The following FAM184B variants were observed in gnomAD, a reference collection of about 807,000 sequenced individuals.
FAM184B encodes the protein protein FAM184B.
Under a neutral mutation model 135.9 loss-of-function variants are expected in FAM184B, and 111 were observed. The ratio of observed to expected loss-of-function variants is 0.82; its 90% CI spans 0.70 to 0.96. The LOEUF (loss-of-function observed/expected upper bound fraction) is 0.96, where lower values mean the gene tolerates loss of function less well. Among genes scored for constraint, FAM184B ranks in the 40% least tolerant of loss-of-function variants. The pLI, the probability that FAM184B is intolerant of heterozygous loss-of-function variation, is 0.00. For synonymous variants in FAM184B, 552 were observed against 524.8 expected (o/e 1.05, Z -0.71); for missense variants, 1,375 against 1,323.9 (o/e 1.04, Z -0.60).
At chr4:17,643,396 G>A (rs1715379582) in intron 12 of FAM184B, among the ~76,000 whole-genome samples, 3 of 152,064 alleles carry the variant, frequency 2.0e-5, no homozygotes, top group Admixed American at 2.0e-4. Flanking sequence ...CTTCTAGAGG[G>A]TTCAGGGCTT....
At chr4:17,676,786 G>C (rs1716318820) in intron 7 of FAM184B, among the ~76,000 whole-genome samples, 1 of 137,974 alleles carries the variant, frequency 7.2e-6, no homozygotes, top group African/African-American at 2.7e-5. Flanking sequence ...ATTTACCCTT[G>C]TGTTACAACT....
In FAM184B at chr4:17,662,523, C is replaced by T. The variant is rs371722852; in HGVS notation, c.1694+2039G>A. Among the ~76,000 whole-genome samples, 173 of 151,856 alleles carry T rather than the reference C, an allele frequency of 1.1e-3. 2 individuals carry two copies. The South Asian group carries it at 0.024, about 21-fold the overall frequency. On this transcript the variant is annotated intron_variant, in intron 8 of 17. Transcript: ENST00000265018. ...CAGCTAATTTTTGTATTTTTAGTAG[C>T]GATGAAGTTTCACCATGTTGGCCAG...
At position 17,642,111 on chromosome 4, in the gene FAM184B, G is replaced by T; in HGVS notation, c.2464C>A (p.Arg822Ser). 1.3e-6 allele frequency: 2 copies of T among 1,532,588 alleles called. No individual in the cohort carries two copies. The highest frequency in any genetic ancestry group is 1.7e-6 in the Non-Finnish European group (2 of 1,145,258). 94.9% of individuals were successfully genotyped at this position (1,532,588 alleles called of 1,614,324 possible). A position where few individuals can be genotyped will look rare whatever the true frequency, so the allele number is the denominator to read the frequency against. Residue 822 changes from arginine (R) to serine (S), a missense_variant, in exon 13 of 18, where the codon CGC (arginine) becomes AGC (serine). By Grantham distance (110) the Arg-to-Ser change is moderately radical. Transcript: ENST00000265018. ...TGCTGATGCTGCTCCACCTCCGCGC[G>T]CAGCCGCCGCACCGCGTCCTGGAGC... is the stretch of plus-strand genomic sequence containing the variant. ...AQLQDAVRRL[R>S]AEVEQHQQEA...
rs1715850748 is a variant in FAM184B at position 17,659,091 on chromosome 4, C to T, written c.1825-529G>A. ...ACCTCCATTGCTAAAATATACATAT[C>T]ATTATATATAAAATATCTTTTTTTT... On this transcript the variant is annotated intron_variant, in intron 9 of 17. Transcript: ENST00000265018. 2.0e-5 allele frequency among the ~76,000 whole-genome samples: 3 copies of T among 151,678 alleles called. No individual in the cohort carries two copies. In the South Asian group the frequency reaches 6.2e-4, roughly 31 times the overall value.
intron 5 of FAM184B, among the ~76,000 whole-genome samples, chr4:17,699,877 C>T (rs999290935): frequency 1.6e-4 from 25 of 151,892 alleles, no homozygotes; most frequent in African/African-American, 5.3e-4. Context: ...ATTTACAGCA[C>T]GTGTAAAATA....
rs1007824639 is a variant in FAM184B, at chr4:17,697,365, G to C, written c.1378-3953C>G. Among the ~76,000 whole-genome samples, 16 of 152,032 alleles carry C rather than the reference G, an allele frequency of 1.1e-4. 1 individual carries two copies. Among genetic ancestry groups the C allele is most frequent in the Admixed American group, 4.6e-4 (7 of 15,244 alleles). Reference sequence around the variant, plus strand: ...CAGCCTAGGCCAGTGACTCTGGGGAGGCCCTTAGCATTTTTCCTGGGGTCA... The same window carrying C: ...CAGCCTAGGCCAGTGACTCTGGGGACGCCCTTAGCATTTTTCCTGGGGTCA... On this transcript the variant is annotated intron_variant, in intron 5 of 17. Coordinates refer to ENST00000265018, the MANE Select transcript of FAM184B (RefSeq NM_015688.2).
intron 17 of FAM184B, 179 bp downstream of exon 17, chr4:17,633,510 G>A: frequency 1.8e-6 from 1 of 541,718 alleles, no homozygotes. Context: ...GCCAGATGGA[G>A]TCCACCTTTT....
chr4:17,734,252 A>G (rs1313894064), intron 1 of FAM184B, among the ~76,000 whole-genome samples: 5 of 152,228 alleles, frequency 3.3e-5, no homozygotes, highest in Admixed American at 3.3e-4. Context: ...AGGCAATACC[A>G]TTCATGACAT....
intron 3 of FAM184B, among the ~76,000 whole-genome samples, chr4:17,706,310 C>T (rs1717117391): frequency 6.6e-6 from 1 of 152,204 alleles, no homozygotes; most frequent in Admixed American, 6.5e-5. Context: ...CTGCTCGAAA[C>T]CCACAACACC....
At chr4:17,633,551 T>A in intron 17 of FAM184B, 138 bp downstream of exon 17, 1 of 761,722 alleles carries the variant, frequency 1.3e-6, no homozygotes, top group Non-Finnish European at 2.0e-6. Flanking sequence ...TTCAGGTAAG[T>A]GATTCAGTGT....
rs57912683 is a variant in FAM184B, at chr4:17,744,461, T to TCACA, written c.142-34821_142-34818dup. On this transcript the variant is annotated intron_variant, in intron 1 of 17. Coordinates refer to ENST00000265018, the MANE Select transcript of FAM184B (RefSeq NM_015688.2). Reference sequence around the variant, plus strand: ...ATGAGTCACTCATTCTCTCTCTCTCTCACACACACACACACACACACACAC... The same window carrying TCACA: ...ATGAGTCACTCATTCTCTCTCTCTCTCACACACACACACACACACACACACACAC... 5.7e-3 allele frequency among the ~76,000 whole-genome samples: 809 copies of TCACA among 140,954 alleles called. 9 individuals carry two copies. The highest frequency in any genetic ancestry group is 0.013 in the East Asian group (59 of 4,560). The allele number at this position is 140,954 out of a possible 152,430, so 92.5% of individuals were successfully genotyped here. A position where few individuals can be genotyped will look rare whatever the true frequency, so the allele number is the denominator to read the frequency against.
At chr4:17,689,888 C>A (rs1323314560) in intron 6 of FAM184B, among the ~76,000 whole-genome samples, 1 of 152,086 alleles carries the variant, frequency 6.6e-6, no homozygotes, top group Non-Finnish European at 1.5e-5. Flanking sequence ...GTGGCTTATG[C>A]CTGTAATCCC....
At chr4:17,713,324 A>G (rs1188725655) in intron 1 of FAM184B, among the ~76,000 whole-genome samples, 1 of 152,222 alleles carries the variant, frequency 6.6e-6, no homozygotes, top group Non-Finnish European at 1.5e-5. Context: ...CATGGACAGG[A>G]GAAGGAAGTC....
At position 17,709,613 on chromosome 4, in the gene FAM184B, T is replaced by C; in HGVS notation, c.173A>G (p.Glu58Gly). 3 of 1,527,188 alleles carry C rather than the reference T, an allele frequency of 2.0e-6. No individual in the cohort carries two copies. The highest frequency in any genetic ancestry group is 2.6e-6 in the Non-Finnish European group (3 of 1,138,060). The allele number at this position is 1,527,188 out of a possible 1,614,324, so 94.6% of individuals were successfully genotyped here. ...VIYALNTRQD[E>G]AEASMEALRE... Reference sequence around the variant, plus strand: ...CAGCGCCTCCATGCTGGCCTCAGCCTCATCCTGGCGGGTGTTCAGGGCATA... The same window carrying C: ...CAGCGCCTCCATGCTGGCCTCAGCCCCATCCTGGCGGGTGTTCAGGGCATA... The change falls in exon 2 of 18, where the codon GAG (glutamate) becomes GGG (glycine). Residue 58 changes from glutamate (E) to glycine (G), a missense_variant. Coordinates refer to ENST00000265018, the MANE Select transcript of FAM184B (RefSeq NM_015688.2).
intron 12 of FAM184B, among the ~76,000 whole-genome samples, chr4:17,643,057 G>A (rs1412106527): frequency 6.6e-6 from 1 of 152,248 alleles, no homozygotes; most frequent in Non-Finnish European, 1.5e-5. Context: ...TGGGATGCCC[G>A]TGGGCACCCA....
At chr4:17,669,869 A>T (rs1201545891) in intron 7 of FAM184B, among the ~76,000 whole-genome samples, 2 of 152,164 alleles carry the variant, frequency 1.3e-5, no homozygotes, top group Non-Finnish European at 2.9e-5. Context: ...ATAAACCAAT[A>T]CCTACTAACA....
At chr4:17,738,979 C>T (rs1717966702) in intron 1 of FAM184B, among the ~76,000 whole-genome samples, 1 of 152,182 alleles carries the variant, frequency 6.6e-6, no homozygotes, top group African/African-American at 2.4e-5. Flanking sequence ...TACCAGATGC[C>T]CAGTCTTCCA....
chr4:17,640,028 C>T (rs1353555373), intron 13 of FAM184B, among the ~76,000 whole-genome samples: 1 of 150,578 alleles, frequency 6.6e-6, no homozygotes, highest in African/African-American at 2.4e-5. Flanking sequence ...CGGGGGGTTT[C>T]ACCATGTTGG....
In FAM184B at chr4:17,705,739, G is replaced by T; in HGVS notation, c.1170+13C>A. The T allele has an allele frequency of 1.9e-6, 3 of 1,551,498 alleles. No individual in the cohort carries two copies. Among genetic ancestry groups the T allele is most frequent in the African/African-American group, 2.7e-5 (2 of 73,138 alleles). On this transcript the variant is annotated intron_variant, in intron 4 of 17. Transcript: ENST00000265018. ...TGTGCCTTCTCCATCCCCAGGGCTG[G>T]GTCAGACACTACCTGCATATCTGTG... is the stretch of plus-strand genomic sequence containing the variant.
Sources: allele counts gnomAD v4.1 joint callset (sites outside exome capture counted in the v4.1 genomes callset), GRCh38; gene constraint gnomAD v4.1.1; transcripts MANE v1.5; gene names NCBI Gene and HGNC (gene_info 2026-07-23, HGNC 2026-07-21).